The following SMIM7 variants were observed in gnomAD, a reference collection of about 807,000 sequenced individuals.
SMIM7 encodes the protein small integral membrane protein 7.
SMIM7 carries 12 observed loss-of-function variants against 13.3 expected under a neutral mutation model. The observed-to-expected ratio is 0.90, with a 90% CI of 0.58 to 1.46. The LOEUF (loss-of-function observed/expected upper bound fraction) is 1.46, where lower values mean the gene tolerates loss of function less well. SMIM7 is among the 40% of genes most tolerant of loss of function. The probability of loss-of-function intolerance (pLI) is 0.00; values close to 1 mark genes in which losing one functional copy is unlikely to be tolerated. For synonymous variants in SMIM7, 36 were observed against 35.8 expected, an observed-to-expected ratio of 1.01 and a Z score of -0.02; for missense variants, 114 against 94.8, an observed-to-expected ratio of 1.20 and a Z score of -0.84.
chr19:16,646,935 C>T lies in SMIM7; in HGVS notation c.*311G>A, dbSNP rs2086456101. The stretch of plus-strand genomic sequence containing the variant: ...CAAGCCAATCCTTCTGCTCAGATCT[C>T]TGGATAGAAATGATTTTTCTTTTAT... On this transcript the variant is annotated 3_prime_UTR_variant, in exon 5 of 5. Transcript: ENST00000487416. 1 of 456,040 alleles carries T rather than the reference C, an allele frequency of 2.2e-6. No individual in the cohort carries two copies. The highest frequency in any genetic ancestry group is 2.0e-5 in the African/African-American group (1 of 50,492). 28.2% of individuals were successfully genotyped at this position (456,040 alleles called of 1,614,324 possible). A position where few individuals can be genotyped will look rare whatever the true frequency, so the allele number is the denominator to read the frequency against.
intron 4 of SMIM7, chr19:16,640,323 C>T (rs2086395912): frequency 1.3e-5 from 2 of 152,164 alleles, no homozygotes; most frequent in South Asian, 4.1e-4. Context: ...AGGCATGAGC[C>T]TCCCTGCCCG....
Position 16,659,222 on chromosome 19 carries a change from G to A in SMIM7, c.121+173C>T, listed in dbSNP as rs773639002. On this transcript the variant is annotated intron_variant, in intron 3 of 4. Coordinates refer to ENST00000487416, the MANE Select transcript of SMIM7 (RefSeq NM_024104.4). ...CACTTTAGCTCAGGAGGTCGAGTCT[G>A]CAGTGAGCCATGATCGCACCACTGC... is the stretch of plus-strand genomic sequence containing the variant. The A allele has an allele frequency of 6.4e-5, 44 of 684,336 alleles. No homozygotes were observed. In the East Asian group the frequency reaches 1.2e-3, roughly 19 times the overall value. 42.4% of individuals were successfully genotyped at this position (684,336 alleles called of 1,614,324 possible). A position where few individuals can be genotyped will look rare whatever the true frequency, so the allele number is the denominator to read the frequency against.
intron 4 of SMIM7, among the ~76,000 whole-genome samples, chr19:16,650,225 A>C (rs116415802): frequency 1.3e-5 from 2 of 152,284 alleles, no homozygotes; most frequent in Middle Eastern, 3.4e-3. Context: ...CACCACCTAC[A>C]TTCTGCAATT....
At chr19:16,639,184 T>A (rs540206703) in intron 4 of SMIM7, among the ~76,000 whole-genome samples, 1 of 149,234 alleles carries the variant, frequency 6.7e-6, no homozygotes, top group Non-Finnish European at 1.5e-5. Flanking sequence ...TGCAGTGGCG[T>A]GATCTCGGCT....
downstream of SMIM7, among the ~76,000 whole-genome samples, chr19:16,643,527 G>A (rs1188356858): frequency 6.6e-6 from 1 of 152,160 alleles, no homozygotes; most frequent in Non-Finnish European, 1.5e-5. Flanking sequence ...CTCCTGAGTA[G>A]CTGGGACTAC....
chr19:16,660,011 A>C lies in SMIM7; in HGVS notation c.27-11T>G, dbSNP rs543013782. 1 of 1,614,034 alleles carries C rather than the reference A, an allele frequency of 6.2e-7. No individual in the cohort carries two copies. Among genetic ancestry groups the C allele is most frequent in the East Asian group, 2.2e-5 (1 of 44,876 alleles). Reference sequence around the variant, plus strand: ...TTCATCAGCAACGTCCTGCAGAGGGAGAATTACAGTTACTAGGGGCGCCCC... The same window carrying C: ...TTCATCAGCAACGTCCTGCAGAGGGCGAATTACAGTTACTAGGGGCGCCCC... On this transcript the variant is annotated splice_polypyrimidine_tract_variant and intron_variant, in intron 1 of 4. Coordinates refer to ENST00000487416, the MANE Select transcript of SMIM7 (RefSeq NM_024104.4).
At chr19:16,660,031 C>G in intron 1 of SMIM7, 31 bp from the exon 2 acceptor site, 1 of 1,613,998 alleles carries the variant, frequency 6.2e-7, no homozygotes, top group Non-Finnish European at 8.5e-7. Context: ...TTACTAGGGG[C>G]GCCCCCGCGT....
intron 2 of SMIM7, 151 bp downstream of exon 2, chr19:16,659,808 G>A (rs2086649611): frequency 2.9e-6 from 3 of 1,023,062 alleles, no homozygotes; most frequent in Non-Finnish European, 2.9e-6. Flanking sequence ...GGGCGAGGAA[G>A]ATAAACCAGG....
In SMIM7 at chr19:16,654,059, A is replaced by ATG; in HGVS notation, c.186_187dup (p.Ile63ThrfsTer4). 1 of 1,614,108 alleles carries ATG rather than the reference A, an allele frequency of 6.2e-7. No individual in the cohort carries two copies. The highest frequency in any genetic ancestry group is 8.5e-7 in the Non-Finnish European group (1 of 1,180,010). ...CACAATCATGCAGAACATCATGAAG[A>ATG]TGTTCCACAGGGCGATGAAGATTCG... is the stretch of plus-strand genomic sequence containing the variant. On this transcript the variant is annotated frameshift_variant, in exon 4 of 5. Transcript: ENST00000487416. LOFTEE classifies it high-confidence loss of function.
chr19:16,645,533 G>C (rs1403566183), downstream of SMIM7: 2 of 152,128 alleles, frequency 1.3e-5, no homozygotes, highest in African/African-American at 4.8e-5. Flanking sequence ...AAGTGATCAA[G>C]GAGAATTCCA....
intron 3 of SMIM7, among the ~76,000 whole-genome samples, chr19:16,658,890 A>C (rs1472201041): frequency 6.6e-6 from 1 of 152,062 alleles, no homozygotes; most frequent in East Asian, 1.9e-4. Context: ...GTAGGAAGTG[A>C]TGTGAGTGCT....
chr19:16,636,741 T>G (rs2086363835), intron 4 of SMIM7, among the ~76,000 whole-genome samples: 1 of 151,998 alleles, frequency 6.6e-6, no homozygotes, highest in Admixed American at 6.6e-5. Flanking sequence ...TGCTTGAGCC[T>G]GGGAGTTCAA....
chr19:16,639,529 G>A (rs1353867816), intron 4 of SMIM7, among the ~76,000 whole-genome samples: 1 of 152,190 alleles, frequency 6.6e-6, no homozygotes, highest in Non-Finnish European at 1.5e-5. Flanking sequence ...GGTTTCTGTT[G>A]CAAGGACTCA....
At chr19:16,655,270 C>T (rs1008490569) in intron 3 of SMIM7, 1 of 454,726 alleles carries the variant, frequency 2.2e-6, no homozygotes, top group South Asian at 1.6e-5. Flanking sequence ...GAACAGAAAC[C>T]CCTCCGAGGG....
chr19:16,640,989 G>A (rs2086400079), downstream of SMIM7: 2 of 152,126 alleles, frequency 1.3e-5, no homozygotes, highest in African/African-American at 4.8e-5. Flanking sequence ...CTTGAAAATG[G>A]GAGGGAAGAT....
chr19:16,659,102 G>A (rs1169516856), intron 3 of SMIM7: 2 of 446,628 alleles, frequency 4.5e-6, no homozygotes, highest in African/African-American at 4.0e-5. Flanking sequence ...GGGCAACGTG[G>A]AGAAACCCCA....
chr19:16,648,037 C>A (rs142926481), intron 4 of SMIM7, among the ~76,000 whole-genome samples: 1 of 152,156 alleles, frequency 6.6e-6, no homozygotes, highest in Non-Finnish European at 1.5e-5. Context: ...AGAAAACTTA[C>A]GTGTACATCT....
At position 16,632,534 on chromosome 19, in the gene SMIM7, C is replaced by CT. The variant is rs1568295912; in HGVS notation, c.*138-811_*138-810insA. Among the ~76,000 whole-genome samples the CT allele has an allele frequency of 1.4e-3, 193 of 138,472 alleles. 1 individual carries two copies. The highest frequency in any genetic ancestry group is 0.013 in the East Asian group (65 of 4,924). 90.8% of individuals were successfully genotyped at this position (138,472 alleles called of 152,430 possible). A position where few individuals can be genotyped will look rare whatever the true frequency, so the allele number is the denominator to read the frequency against. On this transcript the variant is annotated intron_variant and NMD_transcript_variant, in intron 4 of 4. Coordinates refer to the SMIM7 transcript ENST00000465250. The stretch of plus-strand genomic sequence containing the variant: ...AATGAAAAAAGTCATTAACTGTGAA[C>CT]ATTTTTTTTTTTTTTTTTTTTGAGG...
downstream of SMIM7, among the ~76,000 whole-genome samples, chr19:16,641,846 G>T (rs1227780396): frequency 2.0e-5 from 3 of 152,180 alleles, no homozygotes; most frequent in East Asian, 3.9e-4. Flanking sequence ...TTCCCAAAGT[G>T]TGGGGATTAC....
Sources: allele counts gnomAD v4.1 joint callset (sites outside exome capture counted in the v4.1 genomes callset), GRCh38; gene constraint gnomAD v4.1.1; transcripts MANE v1.5; gene names NCBI Gene and HGNC (gene_info 2026-07-23, HGNC 2026-07-21).